The following CAMKMT variants were observed in gnomAD, a reference collection of about 807,000 sequenced individuals.
CAMKMT encodes the protein calmodulin-lysine N-methyltransferase.
Under a neutral mutation model 48.0 loss-of-function variants are expected in CAMKMT, and 53 were observed. The ratio of observed to expected loss-of-function variants is 1.10; its 90% CI spans 0.89 to 1.39. CAMKMT has a LOEUF of 1.39. CAMKMT is among the 40% of genes most tolerant of loss of function. The pLI is 0.00. For synonymous variants in CAMKMT, 165 were observed against 152.3 expected, an observed-to-expected ratio of 1.08 and a Z score of -0.61; for missense variants, 428 against 402.7, an observed-to-expected ratio of 1.06 and a Z score of -0.54.
chr2:44,769,030 C>A (rs1680987060), intron 10 of CAMKMT, among the ~76,000 whole-genome samples: 2 of 151,994 alleles, frequency 1.3e-5, no homozygotes, highest in South Asian at 4.1e-4. Context: ...TGCATTAGTG[C>A]CTCGCGTCAC....
At chr2:44,540,842 A>G (rs1192130353) in intron 3 of CAMKMT, among the ~76,000 whole-genome samples, 1 of 152,226 alleles carries the variant, frequency 6.6e-6, no homozygotes, top group African/African-American at 2.4e-5. Flanking sequence ...AGCTAAAAAA[A>G]TTTATATTTA....
chr2:44,502,924 T>C (rs1383379251), intron 3 of CAMKMT, among the ~76,000 whole-genome samples: 6 of 152,188 alleles, frequency 3.9e-5, no homozygotes, highest in African/African-American at 1.2e-4. Flanking sequence ...TTAACTCATC[T>C]AATTATTTTT....
intron 8 of CAMKMT, among the ~76,000 whole-genome samples, chr2:44,752,776 T>C (rs942347347): frequency 6.6e-6 from 1 of 152,140 alleles, no homozygotes; most frequent in Non-Finnish European, 1.5e-5. Flanking sequence ...AGAACACGTG[T>C]CCTCACATGG....
chr2:44,373,808 T>A (rs943498255), intron 2 of CAMKMT, among the ~76,000 whole-genome samples: 1 of 152,024 alleles, frequency 6.6e-6, no homozygotes, highest in South Asian at 2.1e-4. Flanking sequence ...ACAATTAGAA[T>A]CTGGTTTTAT....
At chr2:44,566,923 T>C (rs1668646139) in intron 3 of CAMKMT, among the ~76,000 whole-genome samples, 1 of 152,196 alleles carries the variant, frequency 6.6e-6, no homozygotes, top group Non-Finnish European at 1.5e-5. Context: ...GATCTGTAAA[T>C]ATTTCTCAGG....
At chr2:44,423,599 A>G (rs560088996) in intron 3 of CAMKMT, among the ~76,000 whole-genome samples, 2 of 152,182 alleles carry the variant, frequency 1.3e-5, no homozygotes, top group African/African-American at 2.4e-5. Context: ...AGTTATCACA[A>G]TGAATTGTAA....
intron 1 of CAMKMT, among the ~76,000 whole-genome samples, chr2:44,368,078 CT>C (rs954164376): frequency 5.3e-5 from 8 of 151,930 alleles, no homozygotes; most frequent in African/African-American, 1.9e-4. Flanking sequence ...GACTTGATGT[CT>C]TTTTTTTCTT....
chr2:44,718,169 T>G (rs1445575690), intron 7 of CAMKMT, among the ~76,000 whole-genome samples: 1 of 152,214 alleles, frequency 6.6e-6, no homozygotes, highest in Non-Finnish European at 1.5e-5. Context: ...AGCTTCACAG[T>G]CAATCCACCT....
intron 3 of CAMKMT, among the ~76,000 whole-genome samples, chr2:44,454,660 C>T (rs1402833175): frequency 6.6e-6 from 1 of 152,012 alleles, no homozygotes; most frequent in East Asian, 1.9e-4. Flanking sequence ...CATTTCTGAT[C>T]TGTTTCTCTA....
intron 2 of CAMKMT, among the ~76,000 whole-genome samples, chr2:44,381,962 A>G (rs535545858): frequency 1.7e-5 from 2 of 119,530 alleles, no homozygotes; most frequent in East Asian, 2.4e-4. Context: ...TTTTTTTGAG[A>G]TGGAGTTTCG....
chr2:44,495,637 A>T (rs1468714278), intron 3 of CAMKMT, among the ~76,000 whole-genome samples: 1 of 152,214 alleles, frequency 6.6e-6, no homozygotes, highest in East Asian at 1.9e-4. Context: ...ATTGTAGGCC[A>T]AGGATGTCAA....
At chr2:44,593,693 C>G (rs764358517) in intron 3 of CAMKMT, among the ~76,000 whole-genome samples, 3 of 150,514 alleles carry the variant, frequency 2.0e-5, no homozygotes, top group Non-Finnish European at 2.9e-5. Context: ...GGGAGTAAAT[C>G]TAGTCACTGT....
At chr2:44,714,169 T>C (rs1678044037) in intron 6 of CAMKMT, among the ~76,000 whole-genome samples, 1 of 152,134 alleles carries the variant, frequency 6.6e-6, no homozygotes, top group African/African-American at 2.4e-5. Flanking sequence ...CAGGGTCTTT[T>C]GTGGTTGTTA....
chr2:44,482,849 C>A (rs778936915), intron 3 of CAMKMT, among the ~76,000 whole-genome samples: 1 of 152,074 alleles, frequency 6.6e-6, no homozygotes, highest in Non-Finnish European at 1.5e-5. Flanking sequence ...TGAAATTATT[C>A]TCTCTCTTCA....
intron 3 of CAMKMT, among the ~76,000 whole-genome samples, chr2:44,436,066 ATTC>A (rs1666229113): frequency 6.6e-6 from 1 of 151,850 alleles, no homozygotes. Flanking sequence ...AATCAAACCA[ATTC>A]TTTTTTTCTT....
chr2:44,694,983 G>A (rs1000056796), intron 3 of CAMKMT, among the ~76,000 whole-genome samples: 35 of 152,078 alleles, frequency 2.3e-4, no homozygotes, highest in Admixed American at 1.6e-3. Flanking sequence ...TCTTAATAAC[G>A]TTTATAACGT....
chr2:44,551,977 GA>G (rs1485294702), intron 3 of CAMKMT, among the ~76,000 whole-genome samples: 4 of 152,112 alleles, frequency 2.6e-5, no homozygotes, highest in African/African-American at 7.2e-5. Flanking sequence ...CTAACATATA[GA>G]TTTTTTTTTA....
chr2:44,468,773 T>C (rs1477766570), intron 3 of CAMKMT, among the ~76,000 whole-genome samples: 1 of 151,984 alleles, frequency 6.6e-6, no homozygotes, highest in African/African-American at 2.4e-5. Flanking sequence ...ACAAAAATTA[T>C]TTGGGTATGG....
intron 3 of CAMKMT, among the ~76,000 whole-genome samples, chr2:44,446,168 G>A (rs1460260827): frequency 6.6e-6 from 1 of 151,936 alleles, no homozygotes; most frequent in African/African-American, 2.4e-5. Flanking sequence ...GGCTGGTCTC[G>A]AATTCTTGAC....
Sources: allele counts gnomAD v4.1 joint callset (sites outside exome capture counted in the v4.1 genomes callset), GRCh38; gene constraint gnomAD v4.1.1; transcripts MANE v1.5; gene names NCBI Gene and HGNC (gene_info 2026-07-23, HGNC 2026-07-21).